CHID1: variants seen among roughly 807,000 people sequenced by gnomAD.
CHID1 encodes the protein chitinase domain-containing protein 1.
A neutral mutation model predicts 55.4 loss-of-function variants in CHID1; 44 were observed. The observed-to-expected ratio is 0.79, with a 90% CI of 0.62 to 1.02. The LOEUF (loss-of-function observed/expected upper bound fraction) is 1.02. Ranked by LOEUF, CHID1 falls within the 50% of genes least tolerant of loss-of-function variation. The probability of loss-of-function intolerance (pLI) is 0.00; values close to 1 mark genes in which losing one functional copy is unlikely to be tolerated. For synonymous variants in CHID1, 216 were observed against 212.9 expected (o/e 1.01, Z -0.13); for missense variants, 491 against 515.3 (o/e 0.95, Z 0.46).
chr11:873,492 C>T (rs1489424228), intron 10 of CHID1, among the ~76,000 whole-genome samples: 3 of 151,922 alleles, frequency 2.0e-5, no homozygotes, highest in African/African-American at 7.3e-5. Context: ...GAGGGGCCTG[C>T]CTGGGAGGAA....
chr11:871,456 GCGGCTTC>G (rs967089874), intron 10 of CHID1, among the ~76,000 whole-genome samples: 5 of 152,402 alleles, frequency 3.3e-5, no homozygotes, highest in African/African-American at 1.2e-4. Context: ...GGACACGACT[GCGGCTTC>G]CAGGTCACGG....
chr11:878,406 A>AAAAAC (rs969332998), intron 10 of CHID1, among the ~76,000 whole-genome samples: 3 of 151,854 alleles, frequency 2.0e-5, no homozygotes, highest in African/African-American at 7.3e-5. Flanking sequence ...CCGTCTCAAA[A>AAAAAC]AAAACAAAAC....
chr11:906,866 T>A (rs372915549), intron 1 of CHID1, among the ~76,000 whole-genome samples: 2 of 151,946 alleles, frequency 1.3e-5, no homozygotes, highest in East Asian at 3.9e-4. Flanking sequence ...CTGTCTCTAC[T>A]GAAAATACAA....
At chr11:882,558 A>C (rs145667353) in intron 10 of CHID1, 2,005 of 152,930 alleles carry the variant, frequency 0.013, 21 homozygotes, top group Non-Finnish European at 0.02. Context: ...AAATTGTTCA[A>C]AACCAGCCAT....
intron 4 of CHID1, 35 bp from the exon 5 acceptor site, chr11:901,015 C>G (rs201232739): frequency 6.4e-7 from 1 of 1,568,958 alleles, no homozygotes; most frequent in Admixed American, 1.9e-5. Context: ...AACACAGGCA[C>G]GTGCGCCCAA....
At chr11:883,003 G>A (rs1466182535) in intron 10 of CHID1, 145 bp downstream of exon 10, 20 of 899,582 alleles carry the variant, frequency 2.2e-5, no homozygotes, top group East Asian at 2.0e-4. Context: ...AAGCAGGACC[G>A]GCTCCTGGCC....
rs775557617 is a variant in CHID1 at position 884,052 on chromosome 11, C to A, written c.803+16G>T. On this transcript the variant is annotated intron_variant, in intron 9 of 12. Coordinates refer to ENST00000323578, the MANE Select transcript of CHID1 (RefSeq NM_023947.4). ...GGAGTTTGCTGTGCCCAGGAGCCCC[C>A]CAAGCCCACACTCACTGATGCGCTG... The A allele has an allele frequency of 1.2e-6, 2 of 1,606,006 alleles. No individual in the cohort carries two copies. The highest frequency in any genetic ancestry group is 1.1e-5 in the South Asian group (1 of 90,920).
At chr11:872,151 C>T (rs1277669860) in intron 10 of CHID1, among the ~76,000 whole-genome samples, 2 of 152,172 alleles carry the variant, frequency 1.3e-5, no homozygotes, top group Non-Finnish European at 2.9e-5. Flanking sequence ...CAGACAGTTT[C>T]CCTTAGACGC....
intron 10 of CHID1, among the ~76,000 whole-genome samples, chr11:880,466 C>T (rs931593200): frequency 4.6e-5 from 7 of 152,190 alleles, no homozygotes; most frequent in African/African-American, 9.7e-5. Flanking sequence ...CGTAGAGTGT[C>T]GGGGGAAAGC....
chr11:878,657 C>T (rs1849679153), intron 10 of CHID1, among the ~76,000 whole-genome samples: 1 of 152,124 alleles, frequency 6.6e-6, no homozygotes, highest in Admixed American at 6.5e-5. Flanking sequence ...TCTTAATCCC[C>T]AGTGCCTCAG....
chr11:879,962 A>G (rs1849785154), intron 10 of CHID1, among the ~76,000 whole-genome samples: 1 of 152,220 alleles, frequency 6.6e-6, no homozygotes, highest in African/African-American at 2.4e-5. Context: ...CAGGATTCCC[A>G]GCATCAAAGG....
In CHID1 at chr11:897,000, G is replaced by A. The variant is rs534225961; in HGVS notation, c.608+2340C>T. On this transcript the variant is annotated intron_variant, in intron 7 of 12. Transcript: ENST00000323578. ...CACCCCCAGCCTCCATCCCAGACACGAGCCTGTCTCAGCACCCCCAGCCTC... is the reference window on the plus strand; with the variant it reads ...CACCCCCAGCCTCCATCCCAGACACAAGCCTGTCTCAGCACCCCCAGCCTC... Among the ~76,000 whole-genome samples the A allele has an allele frequency of 7.2e-4, 88 of 121,466 alleles. 1 individual carries two copies. Among genetic ancestry groups the A allele is most frequent in the East Asian group, 5.2e-4 (2 of 3,880 alleles). The allele number at this position is 121,466 out of a possible 152,430, so 79.7% of individuals were successfully genotyped here. A position where few individuals can be genotyped will look rare whatever the true frequency, so the allele number is the denominator to read the frequency against.
intron 8 of CHID1, among the ~76,000 whole-genome samples, chr11:884,950 G>C (rs1258843127): frequency 1.3e-5 from 2 of 152,252 alleles, no homozygotes; most frequent in Non-Finnish European, 2.9e-5. Context: ...GGCCCAGGGA[G>C]AGCTGGGTGC....
At chr11:887,951 C>T (rs1355855012) in intron 8 of CHID1, among the ~76,000 whole-genome samples, 1 of 152,200 alleles carries the variant, frequency 6.6e-6, no homozygotes, top group Non-Finnish European at 1.5e-5. Flanking sequence ...CAGAATGTGG[C>T]ACAGAAACCA....
intron 10 of CHID1, among the ~76,000 whole-genome samples, chr11:873,872 AAT>A (rs1333941439): frequency 6.6e-6 from 1 of 152,134 alleles, no homozygotes; most frequent in Non-Finnish European, 1.5e-5. Flanking sequence ...CAAGGCCTCA[AAT>A]GGAAAGGGCC....
At chr11:871,434 C>T (rs1261286850) in intron 10 of CHID1, among the ~76,000 whole-genome samples, 1 of 35,962 alleles carries the variant, frequency 2.8e-5, no homozygotes, top group Non-Finnish European at 6.1e-5. Context: ...AGGCTCATTC[C>T]CAAGGTGCTG....
intron 1 of CHID1, 28 bp downstream of exon 1, chr11:910,747 A>C (rs1852612600): frequency 1.7e-6 from 2 of 1,200,144 alleles, no homozygotes; most frequent in Non-Finnish European, 2.1e-6. Flanking sequence ...AAGGAGGAGG[A>C]GCAGGGGCCG....
intron 5 of CHID1, among the ~76,000 whole-genome samples, chr11:900,322 C>T (rs1002438911): frequency 1.2e-4 from 18 of 152,132 alleles, no homozygotes; most frequent in Non-Finnish European, 1.5e-5. Flanking sequence ...GGGGAAGGAG[C>T]GAGCAGACAC....
At chr11:913,304 C>T (rs1852793767), upstream of CHID1, among the ~76,000 whole-genome samples, 1 of 152,146 alleles carries the variant, frequency 6.6e-6, no homozygotes, top group Non-Finnish European at 1.5e-5. Context: ...ACATAAGCCA[C>T]CTCACCAGGC....
Sources: gnomAD v4.1 joint callset for allele counts (sites outside exome capture counted in the v4.1 genomes callset) on GRCh38, gnomAD v4.1.1 for gene constraint, MANE v1.5 for transcripts, NCBI Gene and HGNC (gene_info 2026-07-23, HGNC 2026-07-21) for gene names.